GAREM2: variants seen among roughly 807,000 people sequenced by gnomAD.
GAREM2 encodes GRB2-associated and regulator of MAPK protein 2.
A neutral mutation model predicts 55.6 loss-of-function variants in GAREM2; 30 were observed. The ratio of observed to expected loss-of-function variants is 0.54; its 90% confidence interval spans 0.40 to 0.73. GAREM2 has a LOEUF of 0.73. Ranked by LOEUF, GAREM2 falls within the 30% of genes least tolerant of loss-of-function variation. GAREM2 has a pLI of 0.00. For synonymous variants in GAREM2, 550 were observed against 569.1 expected, an observed-to-expected ratio of 0.97 and a Z score of 0.48; for missense variants, 1,075 against 1,257.7, an observed-to-expected ratio of 0.85 and a Z score of 2.20.
intron 1 of GAREM2, among the ~76,000 whole-genome samples, chr2:26,175,526 G>A (rs947607728): frequency 6.8e-6 from 1 of 145,992 alleles, no homozygotes; most frequent in African/African-American, 2.5e-5. Flanking sequence ...CTGAGATGGG[G>A]TTGGGGGTTT....
Position 26,187,335 on chromosome 2 carries a change from GC to G in GAREM2, c.1706del (p.Pro569GlnfsTer23). On this transcript the variant is annotated frameshift_variant, in exon 6 of 6. Transcript: ENST00000401533. LOFTEE classifies it high-confidence loss of function. ...TGCAAGGTGGGCGAGTCCTCTAGCC[GC>G]CCAGCCCCCGGTCCCCTACCCTCAA... ...GDCKVGESSSRPAPGPLPSTT... is the reference protein window; with the variant it reads ...GDCKVGESSSXPAPGPLPSTT... 1 of 1,538,626 alleles carries G rather than the reference GC, an allele frequency of 6.5e-7. No individual in the cohort carries two copies. Among genetic ancestry groups the G allele is most frequent in the Non-Finnish European group, 8.8e-7 (1 of 1,139,704 alleles).
intron 2 of GAREM2, among the ~76,000 whole-genome samples, chr2:26,178,414 C>G (rs1357588438): frequency 1.3e-5 from 2 of 151,870 alleles, no homozygotes; most frequent in South Asian, 4.2e-4. Context: ...CAAACAACCC[C>G]CCCCCCCAAC....
At position 26,185,253 on chromosome 2, in the gene GAREM2, C is replaced by T; in HGVS notation, c.1405C>T (p.Pro469Ser). 1 of 1,520,976 alleles carries T rather than the reference C, an allele frequency of 6.6e-7. No homozygotes were observed. The highest frequency in any genetic ancestry group is 8.8e-7 in the Non-Finnish European group (1 of 1,141,124). 94.2% of individuals were successfully genotyped at this position (1,520,976 alleles called of 1,614,324 possible). A position where few individuals can be genotyped will look rare whatever the true frequency, so the allele number is the denominator to read the frequency against. The change falls in exon 4 of 6, where the codon CCA becomes TCA. Residue 469 changes from proline (P) to serine (S), a missense_variant. Coordinates refer to ENST00000401533, the MANE Select transcript of GAREM2 (RefSeq NM_001168241.2). Reference protein sequence around the residue: ...PRREPEAPPPPVPPKSEAVKE... With the variant: ...PRREPEAPPPSVPPKSEAVKE... The stretch of plus-strand genomic sequence containing the variant: ...TCGGGAGCCGGAAGCGCCGCCGCCT[C>T]CAGTCCCTCCCAAATCCGAGGCGGT...
At position 26,184,698 on chromosome 2, in the gene GAREM2, CG is replaced by C; in HGVS notation, c.853del (p.Glu285ArgfsTer113). The stretch of plus-strand genomic sequence containing the variant: ...CAACCCCTACGACCTGCACCCGGTG[CG>C]GGAGGGTCATTGCTACAAGCTGGTT... ...PRNPYDLHPV[R>X]EGHCYKLVSI... On this transcript the variant is annotated frameshift_variant, in exon 4 of 6. Coordinates refer to ENST00000401533, the MANE Select transcript of GAREM2 (RefSeq NM_001168241.2). LOFTEE classifies it high-confidence loss of function. The C allele has an allele frequency of 6.5e-7, 1 of 1,539,858 alleles. No individual in the cohort carries two copies. The highest frequency in any genetic ancestry group is 1.2e-5 in the South Asian group (1 of 83,290).
chr2:26,173,501 C>G (rs901719607), intron 1 of GAREM2, among the ~76,000 whole-genome samples, 169 bp downstream of exon 1: 1 of 151,546 alleles, frequency 6.6e-6, no homozygotes, highest in African/African-American at 2.4e-5. Flanking sequence ...GGGGCCCACC[C>G]GCCAGGTCCG....
At chr2:26,183,897 C>T (rs73920250) in intron 3 of GAREM2, among the ~76,000 whole-genome samples, 4,243 of 152,338 alleles carry the variant, frequency 0.028, 135 homozygotes, top group South Asian at 0.12. Flanking sequence ...TGATAAAAGT[C>T]GCCATTTACT....
chr2:26,184,601 G>A lies in GAREM2; in HGVS notation c.753G>A (p.Glu251=). The A allele has an allele frequency of 2.6e-6, 4 of 1,548,514 alleles. No individual in the cohort carries two copies. Among genetic ancestry groups the A allele is most frequent in the Middle Eastern group, 1.7e-4 (1 of 5,986 alleles). ...TGGAGCTGCAGATGCAAGAGGGCGA[G>A]CACACGGTGCGCGCCATCATCGAGC... ...SPLELQMQEG[E]HTVRAIIERV... The change falls in exon 4 of 6, where the codon GAG becomes GAA. Residue 251 remains glutamate, a synonymous_variant. Coordinates refer to ENST00000401533, the MANE Select transcript of GAREM2 (RefSeq NM_001168241.2).
downstream of GAREM2, chr2:26,190,935 CT>C (rs1277803833): frequency 1.2e-5 from 6 of 497,078 alleles, no homozygotes; most frequent in Admixed American, 6.5e-5. Context: ...CTCACCACCC[CT>C]GGCCACCCTG....
the GAREM2 span, among the ~76,000 whole-genome samples, chr2:26,197,006 C>G: frequency 4.8e-3 from 734 of 152,312 alleles, 3 homozygotes; most frequent in African/African-American, 0.017. Flanking sequence ...AATAAATAGG[C>G]TTTTGTGTTT....
downstream of GAREM2, among the ~76,000 whole-genome samples, chr2:26,191,963 A>C (rs2147749912): frequency 6.6e-6 from 1 of 152,354 alleles, no homozygotes; most frequent in East Asian, 1.9e-4. Flanking sequence ...CTGTCCTTCC[A>C]GCGGCTCTCT....
At chr2:26,192,750 A>C (rs2147750977), downstream of GAREM2, among the ~76,000 whole-genome samples, 1 of 152,266 alleles carries the variant, frequency 6.6e-6, no homozygotes, top group East Asian at 1.9e-4. Flanking sequence ...AAAACAAAAA[A>C]CAAACAAAAA....
chr2:26,174,792 C>T (rs73920248), intron 1 of GAREM2, among the ~76,000 whole-genome samples: 4,663 of 152,210 alleles, frequency 0.031, 242 homozygotes, highest in African/African-American at 0.11. Flanking sequence ...GCCCCTTGGC[C>T]GGAGACTGAG....
At chr2:26,193,460 A>G (rs946692513), downstream of GAREM2, 7 of 885,212 alleles carry the variant, frequency 7.9e-6, no homozygotes, top group Non-Finnish European at 1.4e-5. Flanking sequence ...GCCAGTGATA[A>G]GGGCTCTGTG....
At chr2:26,200,849 C>T in the GAREM2 span, among the ~76,000 whole-genome samples, 4 of 151,858 alleles carry the variant, frequency 2.6e-5, no homozygotes, top group Non-Finnish European at 5.9e-5. Context: ...TCTCCTGCTT[C>T]AGCCTCCCAA....
the GAREM2 span, chr2:26,197,840 C>T: frequency 1.2e-6 from 1 of 825,544 alleles, no homozygotes; most frequent in South Asian, 1.3e-5. Flanking sequence ...GAGGCCACAT[C>T]AAAGCTAATG....
chr2:26,190,952 T>C (rs1310145430), downstream of GAREM2: 2 of 516,662 alleles, frequency 3.9e-6, no homozygotes, highest in African/African-American at 3.8e-5. Context: ...CCCTGGCCTC[T>C]TGGGAGGAAC....
intron 2 of GAREM2, chr2:26,181,236 G>A: frequency 4.3e-6 from 3 of 691,028 alleles, no homozygotes; most frequent in Non-Finnish European, 5.3e-6. Flanking sequence ...AATCCCAGTT[G>A]CTGTCTGCAT....
chr2:26,195,263 G>A, the GAREM2 span: 15 of 1,594,410 alleles, frequency 9.4e-6, no homozygotes, highest in African/African-American at 6.7e-5. Flanking sequence ...CCAACAGATC[G>A]GAGAATGCGG....
chr2:26,193,293 C>CCT (rs1669564918), downstream of GAREM2, among the ~76,000 whole-genome samples: 1 of 115,166 alleles, frequency 8.7e-6, no homozygotes, highest in Non-Finnish European at 1.7e-5. Flanking sequence ...CACATGACAT[C>CCT]TTTTTTTTTT....
Sources: allele counts gnomAD v4.1 joint callset (sites outside exome capture counted in the v4.1 genomes callset), GRCh38; gene constraint gnomAD v4.1.1; transcripts MANE v1.5; gene names NCBI Gene and HGNC (gene_info 2026-07-23, HGNC 2026-07-21).